EYS: variants seen among roughly 807,000 people sequenced by gnomAD.
The protein encoded by EYS is protein eyes shut homolog.
Under a neutral mutation model 282.1 loss-of-function variants are expected in EYS, and 250 were observed. That is an observed-to-expected ratio of 0.89 (90% CI 0.80 to 0.98). The LOEUF is 0.98. EYS is among the 50% of genes least tolerant of loss of function. EYS has a pLI of 0.00. For missense variants in EYS, 4,016 were observed against 3,709.0 expected (o/e 1.08, Z -2.15); for synonymous variants, 1,355 against 1,282.9 (o/e 1.06, Z -1.20).
chr6:65,636,804 T>C (rs1307125698), intron 2 of EYS, among the ~76,000 whole-genome samples: 1 of 152,200 alleles, frequency 6.6e-6, no homozygotes, highest in East Asian at 1.9e-4. Flanking sequence ...TTTACTTTTA[T>C]TTATTTAGTT....
intron 30 of EYS, among the ~76,000 whole-genome samples, chr6:64,281,527 AT>A (rs1453588444): frequency 6.6e-6 from 1 of 152,106 alleles, no homozygotes; most frequent in African/African-American, 2.4e-5. Context: ...GACTGACAGA[AT>A]TTTTTAAATT....
intron 5 of EYS, among the ~76,000 whole-genome samples, chr6:65,455,033 G>A (rs1267745074): frequency 6.6e-6 from 1 of 151,878 alleles, no homozygotes; most frequent in African/African-American, 2.4e-5. Context: ...TTTTTCTTTT[G>A]TGAAGAATGT....
rs893610471 is a variant in EYS, at chr6:65,057,746, A to G, written c.2024-19T>C. 3.4e-6 allele frequency: 5 copies of G among 1,453,758 alleles called. No homozygotes were observed. The African/African-American group carries it at 7.0e-5, about 20-fold the overall frequency. 90.1% of individuals were successfully genotyped at this position (1,453,758 alleles called of 1,614,324 possible). A position where few individuals can be genotyped will look rare whatever the true frequency, so the allele number is the denominator to read the frequency against. ...TGCGTACCTTTGGAAAATAGGAAAAAAAAATGTTAAGTGTTAACAAGACAG... is the reference window on the plus strand; with the variant it reads ...TGCGTACCTTTGGAAAATAGGAAAAGAAAATGTTAAGTGTTAACAAGACAG... On this transcript the variant is annotated intron_variant, in intron 12 of 42. Coordinates refer to ENST00000503581, the MANE Select transcript of EYS (RefSeq NM_001142800.2).
chr6:64,345,978 A>G (rs965053568), intron 29 of EYS, among the ~76,000 whole-genome samples: 1 of 152,186 alleles, frequency 6.6e-6, no homozygotes, highest in African/African-American at 2.4e-5. Context: ...CCATCAGAGA[A>G]ATGCAAATCA....
chr6:64,819,397 T>C (rs1583190914), intron 21 of EYS, among the ~76,000 whole-genome samples: 1 of 152,076 alleles, frequency 6.6e-6, no homozygotes, highest in Non-Finnish European at 1.5e-5. Context: ...TAGATAGTAC[T>C]GGTGCAAATG....
At chr6:63,895,393 T>C (rs1363683832) in intron 35 of EYS, among the ~76,000 whole-genome samples, 1 of 152,212 alleles carries the variant, frequency 6.6e-6, no homozygotes, top group African/African-American at 2.4e-5. Context: ...ATTTAACACC[T>C]GTTTTATTTT....
intron 2 of EYS, among the ~76,000 whole-genome samples, chr6:65,615,137 A>C (rs982400556): frequency 2.0e-4 from 30 of 152,294 alleles, no homozygotes; most frequent in African/African-American, 6.7e-4. Context: ...AGGTTAATTG[A>C]ATTCGAATAA....
intron 1 of EYS, among the ~76,000 whole-genome samples, chr6:65,652,505 T>G (rs1455065767): frequency 6.6e-6 from 1 of 151,992 alleles, no homozygotes; most frequent in Non-Finnish European, 1.5e-5. Context: ...TATTTTGAAA[T>G]TTTTTAATGT....
chr6:64,215,448 T>G (rs940053708), intron 31 of EYS, among the ~76,000 whole-genome samples: 3 of 152,098 alleles, frequency 2.0e-5, no homozygotes, highest in African/African-American at 7.2e-5. Flanking sequence ...GCCTGAATAT[T>G]CAGGGCACAG....
Position 65,495,417 on chromosome 6 carries a change from G to T in EYS, c.-7C>A. 1 of 1,607,456 alleles carries T rather than the reference G, an allele frequency of 6.2e-7. No individual in the cohort carries two copies. Among genetic ancestry groups the T allele is most frequent in the Non-Finnish European group, 8.5e-7 (1 of 1,179,868 alleles). ...CGATTGATTTGTCAGTCATTTTCGG[G>T]TAGCTGTATTTTACAGTTTATCATA... On this transcript the variant is annotated 5_prime_UTR_variant, in exon 4 of 43. Transcript: ENST00000503581.
chr6:65,635,484 T>C (rs1329982066), intron 2 of EYS, among the ~76,000 whole-genome samples: 1 of 152,188 alleles, frequency 6.6e-6, no homozygotes, highest in Non-Finnish European at 1.5e-5. Flanking sequence ...TTATCTTATT[T>C]TGTTATTTTT....
At chr6:64,848,864 T>C (rs1227656984) in intron 19 of EYS, among the ~76,000 whole-genome samples, 2 of 152,126 alleles carry the variant, frequency 1.3e-5, no homozygotes, top group Middle Eastern at 3.2e-3. Flanking sequence ...GCCTAGGCAA[T>C]TTATTCAATG....
intron 1 of EYS, among the ~76,000 whole-genome samples, chr6:65,700,218 C>A (rs1474210663): frequency 6.6e-6 from 1 of 151,050 alleles, no homozygotes; most frequent in African/African-American, 2.4e-5. Flanking sequence ...CATAGCTGCT[C>A]ACAAGACTGG....
chr6:64,829,785 G>C (rs1366660872), intron 19 of EYS, among the ~76,000 whole-genome samples: 1 of 151,918 alleles, frequency 6.6e-6, no homozygotes, highest in Non-Finnish European at 1.5e-5. Flanking sequence ...GGGAACCAGG[G>C]GGTAAAAGTG....
At chr6:64,510,476 C>A (rs1777351342) in intron 26 of EYS, among the ~76,000 whole-genome samples, 1 of 151,330 alleles carries the variant, frequency 6.6e-6, no homozygotes. Context: ...TAACTTCTGC[C>A]TTAAGAAGAT....
chr6:64,586,951 G>A (rs1392791581), intron 26 of EYS, among the ~76,000 whole-genome samples: 1 of 152,054 alleles, frequency 6.6e-6, no homozygotes, highest in Non-Finnish European at 1.5e-5. Flanking sequence ...GCTAGAATAT[G>A]TTCCCTTTTT....
chr6:65,561,792 T>C (rs1356577565), intron 2 of EYS, among the ~76,000 whole-genome samples: 2 of 151,930 alleles, frequency 1.3e-5, no homozygotes, highest in Admixed American at 6.6e-5. Flanking sequence ...CTATTACAAA[T>C]CTTTTAAGAT....
At chr6:65,517,343 A>AAC (rs1554205538) in intron 2 of EYS, among the ~76,000 whole-genome samples, 4 of 140,730 alleles carry the variant, frequency 2.8e-5, no homozygotes, top group African/African-American at 1.0e-4. Flanking sequence ...AACAACAACA[A>AAC]AAAAAAAACA....
intron 12 of EYS, among the ~76,000 whole-genome samples, chr6:65,159,181 A>C (rs931351187): frequency 1.3e-5 from 2 of 150,850 alleles, no homozygotes; most frequent in Non-Finnish European, 3.0e-5. Flanking sequence ...CAATTGGAAG[A>C]ACTCTACATC....
Sources: gnomAD v4.1 joint callset for allele counts (sites outside exome capture counted in the v4.1 genomes callset) on GRCh38, gnomAD v4.1.1 for gene constraint, MANE v1.5 for transcripts, NCBI Gene and HGNC (gene_info 2026-07-23, HGNC 2026-07-21) for gene names.